The following HIF1A variants were observed in gnomAD, a reference collection of about 807,000 sequenced individuals.
The protein encoded by HIF1A is hypoxia-inducible factor 1-alpha.
HIF1A carries 24 observed loss-of-function variants against 92.7 expected under a neutral mutation model. The observed-to-expected ratio is 0.26, with a 90% confidence interval of 0.19 to 0.36. The LOEUF is 0.36. Among genes scored for constraint, HIF1A ranks in the 10% least tolerant of loss-of-function variants. The pLI is 1.00. For synonymous variants in HIF1A, 319 were observed against 338.7 expected (o/e 0.94, Z 0.64); for missense variants, 799 against 998.5 (o/e 0.80, Z 2.69).
At chr14:61,716,947 A>C (rs1438584625) in intron 1 of HIF1A, 1 of 152,206 alleles carries the variant, frequency 6.6e-6, no homozygotes, top group East Asian at 1.9e-4. Context: ...TTTTAACTGT[A>C]CTCTTAACTG....
chr14:61,728,668 T>C (rs549157084), intron 6 of HIF1A, among the ~76,000 whole-genome samples: 1 of 152,342 alleles, frequency 6.6e-6, no homozygotes, highest in African/African-American at 2.4e-5. Context: ...TATCTACATA[T>C]ATCTCTTGAT....
At chr14:61,730,146 G>C (rs1433583584) in intron 6 of HIF1A, among the ~76,000 whole-genome samples, 3 of 152,114 alleles carry the variant, frequency 2.0e-5, no homozygotes, top group Admixed American at 6.6e-5. Context: ...TAAATGAGTA[G>C]TATACTGCTT....
intron 14 of HIF1A, 26 bp downstream of exon 14, chr14:61,745,843 A>C: frequency 1.3e-6 from 2 of 1,573,022 alleles, no homozygotes; most frequent in Non-Finnish European, 1.7e-6. Context: ...TTGACCTTGA[A>C]CATCACAAAG....
At chr14:61,698,163 G>A (rs975023302) in intron 1 of HIF1A, among the ~76,000 whole-genome samples, 1 of 152,196 alleles carries the variant, frequency 6.6e-6, no homozygotes, top group Non-Finnish European at 1.5e-5. Context: ...TAAAATTTCT[G>A]AGAATAGATA....
chr14:61,702,394 C>G (rs1025621711), intron 1 of HIF1A, among the ~76,000 whole-genome samples: 1 of 148,720 alleles, frequency 6.7e-6, no homozygotes, highest in Non-Finnish European at 1.5e-5. Flanking sequence ...GAGCCAAGAT[C>G]GCGCCACTGC....
Position 61,740,853 on chromosome 14 carries a change from T to C in HIF1A, c.1758T>C (p.Ser586=), listed in dbSNP as rs1415618953. Residue 586 remains serine (S), a synonymous_variant, in exon 12 of 15, where the codon AGT becomes AGC. Transcript: ENST00000337138. ...SFDQLSPLES[S]SASPESASPQ... ...ATCAGTTGTCACCATTAGAAAGCAGTTCCGCAAGCCCTGAAAGCGCAAGTC... is the reference window on the plus strand; with the variant it reads ...ATCAGTTGTCACCATTAGAAAGCAGCTCCGCAAGCCCTGAAAGCGCAAGTC... 1 of 1,614,174 alleles carries C rather than the reference T, an allele frequency of 6.2e-7. No individual in the cohort carries two copies. The highest frequency in any genetic ancestry group is 1.3e-5 in the African/African-American group (1 of 75,060).
rs2044104666 is a variant in HIF1A, at chr14:61,695,722, C to A, written c.-83C>A. 3.4e-6 allele frequency: 5 copies of A among 1,450,392 alleles called. No individual in the cohort carries two copies. In the East Asian group the frequency reaches 9.8e-5, roughly 29 times the overall value. 89.8% of individuals were successfully genotyped at this position (1,450,392 alleles called of 1,614,324 possible). ...CTGGACTTGCCTTTCCTTCTCTTCT[C>A]CGCGTGTGGAGGGAGCCAGCGCTTA... On this transcript the variant is annotated 5_prime_UTR_variant, in exon 1 of 15. Coordinates refer to ENST00000337138, the MANE Select transcript of HIF1A (RefSeq NM_001530.4).
chr14:61,714,102 T>G (rs1052824116), intron 1 of HIF1A, among the ~76,000 whole-genome samples: 1 of 152,192 alleles, frequency 6.6e-6, no homozygotes, highest in African/African-American at 2.4e-5. Flanking sequence ...CAAAGTAGAT[T>G]AACTGAGCAC....
At chr14:61,723,181 TTC>T (rs2044454457) in intron 4 of HIF1A, among the ~76,000 whole-genome samples, 1 of 152,246 alleles carries the variant, frequency 6.6e-6, no homozygotes. Flanking sequence ...TTTTGAGGTT[TTC>T]TTTTTCATCT....
At chr14:61,745,851 A>G in intron 14 of HIF1A, 34 bp downstream of exon 14, 2 of 1,537,156 alleles carry the variant, frequency 1.3e-6, no homozygotes, top group Non-Finnish European at 1.8e-6. Context: ...GAACATCACA[A>G]AGACAAAATA....
rs192808588 is a variant in HIF1A at position 61,724,210 on chromosome 14, G to A, written c.457+2387G>A. Reference sequence around the variant, plus strand: ...ATTAATCTGCAGGTCCCCATTCAAAGGCCTTGGGTTCCTTTCAAAGGTCAG... The same window carrying A: ...ATTAATCTGCAGGTCCCCATTCAAAAGCCTTGGGTTCCTTTCAAAGGTCAG... On this transcript the variant is annotated intron_variant, in intron 4 of 14. Coordinates refer to ENST00000337138, the MANE Select transcript of HIF1A (RefSeq NM_001530.4). 3.4e-4 allele frequency among the ~76,000 whole-genome samples: 52 copies of A among 151,466 alleles called. No individual in the cohort carries two copies. The East Asian group carries it at 6.0e-3, about 18-fold the overall frequency.
chr14:61,736,197 G>T (rs1036121739), intron 8 of HIF1A, among the ~76,000 whole-genome samples: 1 of 151,858 alleles, frequency 6.6e-6, no homozygotes, highest in Non-Finnish European at 1.5e-5. Flanking sequence ...CCAGGCTCTT[G>T]AACTCCCAGG....
chr14:61,715,769 G>C (rs1566564924), intron 1 of HIF1A: 1 of 152,360 alleles, frequency 6.6e-6, no homozygotes, highest in Non-Finnish European at 1.5e-5. Context: ...GGAGGCCAAG[G>C]CAGAAGGATC....
At chr14:61,703,447 A>C (rs891877702) in intron 1 of HIF1A, among the ~76,000 whole-genome samples, 1 of 152,150 alleles carries the variant, frequency 6.6e-6, no homozygotes, top group South Asian at 2.1e-4. Context: ...ACAAATCTAG[A>C]GTCTCAAATG....
chr14:61,716,583 T>G (rs1403540295), intron 1 of HIF1A, among the ~76,000 whole-genome samples: 1 of 152,174 alleles, frequency 6.6e-6, no homozygotes, highest in Non-Finnish European at 1.5e-5. Context: ...TGCCTACAAT[T>G]ATTTTGTGTC....
chr14:61,711,366 G>A (rs886279714), intron 1 of HIF1A, among the ~76,000 whole-genome samples: 1 of 151,872 alleles, frequency 6.6e-6, no homozygotes, highest in Non-Finnish European at 1.5e-5. Flanking sequence ...CATTACACTC[G>A]GCTAGTAATT....
At chr14:61,706,861 A>G (rs961172731) in intron 1 of HIF1A, among the ~76,000 whole-genome samples, 5 of 152,364 alleles carry the variant, frequency 3.3e-5, no homozygotes, top group Non-Finnish European at 4.4e-5. Context: ...CTTTAATTTG[A>G]ATTTCCAGGG....
intron 4 of HIF1A, among the ~76,000 whole-genome samples, chr14:61,724,649 C>T (rs1056591866): frequency 2.6e-5 from 4 of 152,080 alleles, no homozygotes; most frequent in African/African-American, 9.7e-5. Context: ...TTCTACTTTA[C>T]AGTGTTTTTT....
At chr14:61,729,338 C>T (rs767388414) in intron 6 of HIF1A, among the ~76,000 whole-genome samples, 3 of 151,740 alleles carry the variant, frequency 2.0e-5, no homozygotes, top group African/African-American at 4.8e-5. Flanking sequence ...GGCACATGTC[C>T]GTAATCCCAG....
Sources: gnomAD v4.1 joint callset for allele counts (sites outside exome capture counted in the v4.1 genomes callset) on GRCh38, gnomAD v4.1.1 for gene constraint, MANE v1.5 for transcripts, NCBI Gene and HGNC (gene_info 2026-07-23, HGNC 2026-07-21) for gene names.